ARHGEF16: variants seen among roughly 807,000 people sequenced by gnomAD.
The protein encoded by ARHGEF16 is Rho guanine exchange factor (GEF) 16.
Under a neutral mutation model 74.1 loss-of-function variants are expected in ARHGEF16, and 59 were observed. That is an observed-to-expected ratio of 0.80 (90% confidence interval 0.65 to 0.99). The LOEUF (loss-of-function observed/expected upper bound fraction) is 0.99, where lower values mean the gene tolerates loss of function less well. ARHGEF16 is among the 50% of genes least tolerant of loss of function. The pLI, the probability that ARHGEF16 is intolerant of heterozygous loss-of-function variation, is 0.00. For missense variants in ARHGEF16, 948 were observed against 986.6 expected (o/e 0.96, Z 0.52); for synonymous variants, 415 against 412.6 (o/e 1.01, Z -0.07).
In ARHGEF16 at chr1:3,463,266, G is replaced by T. The variant is rs183210126; in HGVS notation, c.182G>T (p.Arg61Leu). Residue 61 changes from arginine to leucine, a missense_variant, in exon 2 of 15, where the codon CGG becomes CTG. Coordinates refer to ENST00000378378, the MANE Select transcript of ARHGEF16 (RefSeq NM_014448.4). ...QPQVPAPPQP[R>L]PPGHEEPWPI... ...CAGGTCCCGGCACCCCCACAGCCTCGGCCCCCGGGGCACGAGGAGCCATGG... is the reference window on the plus strand; with the variant it reads ...CAGGTCCCGGCACCCCCACAGCCTCTGCCCCCGGGGCACGAGGAGCCATGG... 6.5e-7 allele frequency: 1 copy of T among 1,549,552 alleles called. No homozygotes were observed. The highest frequency in any genetic ancestry group is 1.2e-5 in the South Asian group (1 of 84,016).
Position 3,472,949 on chromosome 1 carries a change from G to A in ARHGEF16, c.1023-129G>A. On this transcript the variant is annotated intron_variant, in intron 6 of 14. Transcript: ENST00000378378. ...CAAGTGCTTGCTGTGTGCTGCCTCT[G>A]GGAGCTGAGCTCAGCTCCTGCCACG... is the stretch of plus-strand genomic sequence containing the variant. 5.0e-6 allele frequency: 5 copies of A among 1,003,550 alleles called. No individual in the cohort carries two copies. In the South Asian group the frequency reaches 5.6e-5, roughly 11 times the overall value. 62.2% of individuals were successfully genotyped at this position (1,003,550 alleles called of 1,614,324 possible).
At position 3,474,573 on chromosome 1, in the gene ARHGEF16, G is replaced by A. The variant is rs544571134; in HGVS notation, c.1306-135G>A. ...AGGCCGTTCAGGGGCTGTACGTGCT[G>A]TGGGGCCCTGCAGGAGCCCCCTGGG... On this transcript the variant is annotated intron_variant, in intron 8 of 14. Transcript: ENST00000378378. The A allele has an allele frequency of 2.1e-5, 16 of 763,792 alleles. No homozygotes were observed. In the East Asian group the frequency reaches 3.9e-4, roughly 19 times the overall value. 47.3% of individuals were successfully genotyped at this position (763,792 alleles called of 1,614,324 possible).
At chr1:3,462,528 C>G (rs998360366) in intron 1 of ARHGEF16, among the ~76,000 whole-genome samples, 1 of 152,170 alleles carries the variant, frequency 6.6e-6, no homozygotes, top group African/African-American at 2.4e-5. Flanking sequence ...TGGTCACTGC[C>G]GCTGTGGCTG....
intron 1 of ARHGEF16, among the ~76,000 whole-genome samples, chr1:3,461,451 C>G (rs137962092): frequency 2.6e-3 from 400 of 152,356 alleles, no homozygotes; most frequent in African/African-American, 9.4e-3. Context: ...GGCAGCGTCA[C>G]TTGCTCATTG....
chr1:3,469,584 CCAGT>C lies in ARHGEF16; in HGVS notation c.1017_1020del (p.Ser339ArgfsTer52). On this transcript the variant is annotated frameshift_variant, in exon 6 of 15. Transcript: ENST00000378378. LOFTEE classifies it high-confidence loss of function. Reference sequence around the variant, plus strand: ...TCCAACATCCTGGATGTCCTGGGTGCCAGTCAGAGGTGAGGCCACGCCACAGCCT... The same window carrying C: ...TCCAACATCCTGGATGTCCTGGGTGCCAGAGGTGAGGCCACGCCACAGCCT... 1.2e-6 allele frequency: 2 copies of C among 1,612,852 alleles called. No homozygotes were observed. Among genetic ancestry groups the C allele is most frequent in the Non-Finnish European group, 1.7e-6 (2 of 1,179,976 alleles).
At position 3,480,614 on chromosome 1, in the gene ARHGEF16, A is replaced by C; in HGVS notation, c.*27A>C. On this transcript the variant is annotated 3_prime_UTR_variant, in exon 15 of 15. Transcript: ENST00000378378. ...CCTGGCGAGGCCAGCCGGCGGCAGCACAGCCTGTCTCCAATCAGCAAGTGG... is the reference window on the plus strand; with the variant it reads ...CCTGGCGAGGCCAGCCGGCGGCAGCCCAGCCTGTCTCCAATCAGCAAGTGG... 1.3e-6 allele frequency: 2 copies of C among 1,597,778 alleles called. No homozygotes were observed. Among genetic ancestry groups the C allele is most frequent in the East Asian group, 2.2e-5 (1 of 44,808 alleles).
At position 3,478,046 on chromosome 1, in the gene ARHGEF16, G is replaced by T. The variant is rs572892858; in HGVS notation, c.1625+20G>T. On this transcript the variant is annotated intron_variant, in intron 11 of 14. Transcript: ENST00000378378. ...GAAGAGGTGGCCTTAGGGCAGGAGG[G>T]TGTGGGGAGCCCCACTCCATGGACA... The T allele has an allele frequency of 1.9e-6, 3 of 1,612,606 alleles. No homozygotes were observed. The Admixed American group carries it at 5.0e-5, about 27-fold the overall frequency.
chr1:3,470,863 CGTGGGCAGGGGTGTATGT>C (rs1639696172), intron 6 of ARHGEF16, among the ~76,000 whole-genome samples: 1 of 124,468 alleles, frequency 8.0e-6, no homozygotes, highest in Admixed American at 8.1e-5. Flanking sequence ...GGTGTGTGTG[CGTGGGCAGGGGTGTATGT>C]GCGTGGGTGT....
At chr1:3,471,703 G>T in intron 6 of ARHGEF16, 2 of 1,240,274 alleles carry the variant, frequency 1.6e-6, no homozygotes, top group Non-Finnish European at 1.0e-6. Context: ...CTGCCCTGGG[G>T]CGGGAAGCTC....
At chr1:3,459,995 A>T (rs1387502709) in intron 1 of ARHGEF16, among the ~76,000 whole-genome samples, 1 of 152,226 alleles carries the variant, frequency 6.6e-6, no homozygotes, top group Non-Finnish European at 1.5e-5. Context: ...CTGGGTTTTC[A>T]TGCTAAGTCT....
chr1:3,462,929 G>A (rs539062429), intron 1 of ARHGEF16, 137 bp from the exon 2 acceptor site: 35 of 546,852 alleles, frequency 6.4e-5, no homozygotes, highest in East Asian at 5.1e-4. Flanking sequence ...TCCTGGCTGC[G>A]TCGCTGTCCT....
intron 6 of ARHGEF16, chr1:3,471,870 C>G: frequency 2.9e-6 from 3 of 1,027,954 alleles, no homozygotes; most frequent in Non-Finnish European, 3.6e-6. Context: ...CCGGCCTGGC[C>G]GGCCTGGGCA....
In ARHGEF16 at chr1:3,464,107, G is replaced by A. The variant is rs146313701; in HGVS notation, c.588+435G>A. On this transcript the variant is annotated intron_variant, in intron 2 of 14. Coordinates refer to ENST00000378378, the MANE Select transcript of ARHGEF16 (RefSeq NM_014448.4). The stretch of plus-strand genomic sequence containing the variant: ...AGGCGGGAGGGACTGAAGCGGGGCA[G>A]CTGTGCGGTGGCCTGGGGCTTAGGA... Among the ~76,000 whole-genome samples, 378 of 152,112 alleles carry A rather than the reference G, an allele frequency of 2.5e-3. 2 individuals are homozygous for A. The highest frequency in any genetic ancestry group is 4.3e-3 in the Non-Finnish European group (290 of 67,988).
chr1:3,468,325 AG>A (rs1639605119), intron 4 of ARHGEF16, among the ~76,000 whole-genome samples: 1 of 152,182 alleles, frequency 6.6e-6, no homozygotes, highest in Admixed American at 6.5e-5. Context: ...AGTCCTGCAG[AG>A]GGGACCCCTG....
intron 8 of ARHGEF16, 125 bp from the exon 9 acceptor site, chr1:3,474,583 G>A (rs991921740): frequency 1.2e-6 from 1 of 853,718 alleles, no homozygotes; most frequent in Non-Finnish European, 1.9e-6. Context: ...GTGGGGCCCT[G>A]CAGGAGCCCC....
chr1:3,467,444 A>T, intron 4 of ARHGEF16, 107 bp downstream of exon 4: 1 of 1,331,066 alleles, frequency 7.5e-7, no homozygotes, highest in Non-Finnish European at 1.0e-6. Flanking sequence ...GCAGCAGCCC[A>T]GTCCTCCCAG....
chr1:3,459,936 G>A (rs1639353664), intron 1 of ARHGEF16, among the ~76,000 whole-genome samples: 1 of 152,220 alleles, frequency 6.6e-6, no homozygotes, highest in Non-Finnish European at 1.5e-5. Flanking sequence ...AAGCTGAGGA[G>A]CCCAGAGCAG....
intron 4 of ARHGEF16, 31 bp downstream of exon 4, chr1:3,467,368 A>G (rs1639577232): frequency 6.5e-7 from 1 of 1,534,888 alleles, no homozygotes; most frequent in African/African-American, 1.4e-5. Flanking sequence ...AGGCTGCCCC[A>G]CAGAGGCAGG....
In ARHGEF16 at chr1:3,467,277, C is replaced by T. The variant is rs376771674; in HGVS notation, c.744C>T (p.Asp248=). ...SSSPEGTQKV[D]ATIVVKSYRP... is the part of the protein sequence containing the mutation. ...GCCCCGAGGGAACCCAGAAGGTGGA[C>T]GCCACCATTGTGGTCAAGAGCTACC... is the stretch of plus-strand genomic sequence containing the variant. Residue 248 remains aspartate (D), a synonymous_variant, in exon 4 of 15, where the codon GAC becomes GAT. Transcript: ENST00000378378. 1.4e-5 allele frequency: 22 copies of T among 1,550,394 alleles called. No homozygotes were observed. Among genetic ancestry groups the T allele is most frequent in the African/African-American group, 5.5e-5 (4 of 73,170 alleles).
Sources: gnomAD v4.1 joint callset for allele counts (sites outside exome capture counted in the v4.1 genomes callset) on GRCh38, gnomAD v4.1.1 for gene constraint, MANE v1.5 for transcripts, NCBI Gene and HGNC (gene_info 2026-07-23, HGNC 2026-07-21) for gene names.